NDFIP2: variants seen among roughly 807,000 people sequenced by gnomAD.
The protein encoded by NDFIP2 is Nedd4 family interacting protein 2, also known as NEDD4 family-interacting protein 2.
In NDFIP2, 19 loss-of-function variants were observed where a neutral mutation model predicts 36.0. The observed-to-expected ratio is 0.53, with a 90% CI of 0.37 to 0.77. The LOEUF is 0.77. NDFIP2 is among the 30% of genes least tolerant of loss of function. The pLI is 0.00. For missense variants in NDFIP2, 446 were observed against 435.8 expected (o/e 1.02, Z -0.21); for synonymous variants, 181 against 167.7 (o/e 1.08, Z -0.61).
intron 1 of NDFIP2, among the ~76,000 whole-genome samples, chr13:79,488,807 A>C (rs1447533951): frequency 2.0e-5 from 3 of 152,190 alleles, no homozygotes; most frequent in Non-Finnish European, 4.4e-5. Context: ...AGATAGTAAT[A>C]AATTCTTTGA....
chr13:79,546,191 C>CT (rs1440556624), intron 5 of NDFIP2, among the ~76,000 whole-genome samples: 2 of 151,078 alleles, frequency 1.3e-5, no homozygotes, highest in Non-Finnish European at 3.0e-5. Flanking sequence ...AAGTTTTCTC[C>CT]TAAAAACCTG....
At chr13:79,485,283 A>C (rs1402496657) in intron 1 of NDFIP2, among the ~76,000 whole-genome samples, 1 of 152,144 alleles carries the variant, frequency 6.6e-6, no homozygotes, top group Non-Finnish European at 1.5e-5. Context: ...CTGGGATGGC[A>C]GTTACACACT....
At chr13:79,517,724 TTTA>T (rs1874407430) in intron 1 of NDFIP2, among the ~76,000 whole-genome samples, 1 of 152,148 alleles carries the variant, frequency 6.6e-6, no homozygotes, top group Non-Finnish European at 1.5e-5. Context: ...GCTCCAAAGC[TTTA>T]TTTTGGAGCT....
chr13:79,498,790 G>A (rs1301075841), intron 1 of NDFIP2, among the ~76,000 whole-genome samples: 1 of 151,954 alleles, frequency 6.6e-6, no homozygotes, highest in African/African-American at 2.4e-5. Context: ...TGGAGATTAA[G>A]TTTCCATCAC....
intron 2 of NDFIP2, among the ~76,000 whole-genome samples, chr13:79,531,603 T>C (rs2137098995): frequency 6.6e-6 from 1 of 152,374 alleles, no homozygotes; most frequent in South Asian, 2.1e-4. Flanking sequence ...CGCTGCTTCA[T>C]GTTGCACTTT....
rs138577608 is a variant in NDFIP2, at chr13:79,511,829, G to A, written c.322-8981G>A. On this transcript the variant is annotated intron_variant, in intron 1 of 7. Transcript: ENST00000218652. ...TCCCAAATCTAATTAGAGATTGCGA[G>A]GTGTCCCTAAGACCCCAGGGGCTCA... Among the ~76,000 whole-genome samples, 961 of 152,276 alleles carry A rather than the reference G, an allele frequency of 6.3e-3. 9 individuals carry two copies. The highest frequency in any genetic ancestry group is 0.034 in the South Asian group (164 of 4,824).
chr13:79,539,874 G>A (rs1011193629), intron 4 of NDFIP2, 99 bp downstream of exon 4: 1 of 903,646 alleles, frequency 1.1e-6, no homozygotes, highest in Non-Finnish European at 1.8e-6. Flanking sequence ...GTTAGCATAT[G>A]TCTACCTTTC....
At chr13:79,532,901 G>A (rs1008494871) in intron 2 of NDFIP2, among the ~76,000 whole-genome samples, 5 of 152,128 alleles carry the variant, frequency 3.3e-5, no homozygotes, top group Non-Finnish European at 7.4e-5. Flanking sequence ...TATATGAAAT[G>A]GTTAGTATTA....
intron 1 of NDFIP2, among the ~76,000 whole-genome samples, chr13:79,502,650 T>C (rs1192544621): frequency 2.6e-5 from 4 of 152,134 alleles, no homozygotes; most frequent in Non-Finnish European, 5.9e-5. Flanking sequence ...AATATTTAAA[T>C]AGTATGAGGA....
rs532659161 is a variant in NDFIP2 at position 79,534,350 on chromosome 13, G to GTTT, written c.621+915_621+917dup. The stretch of plus-strand genomic sequence containing the variant: ...GGCCTTCAAATTATTTTTGTCAGCT[G>GTTT]TTTTTTTTTTTTTTTTTTTTTTTGA... On this transcript the variant is annotated intron_variant, in intron 3 of 7. Transcript: ENST00000218652. 5.0e-3 allele frequency among the ~76,000 whole-genome samples: 477 copies of GTTT among 95,288 alleles called. 7 individuals are homozygous for GTTT. The highest frequency in any genetic ancestry group is 0.01 in the South Asian group (26 of 2,566). 62.5% of individuals were successfully genotyped at this position (95,288 alleles called of 152,430 possible).
At chr13:79,489,591 G>T (rs1180074538) in intron 1 of NDFIP2, among the ~76,000 whole-genome samples, 1 of 152,314 alleles carries the variant, frequency 6.6e-6, no homozygotes, top group Non-Finnish European at 1.5e-5. Flanking sequence ...TTAGTAGATA[G>T]GGATCAGCTT....
chr13:79,501,463 T>C (rs1196759985), intron 1 of NDFIP2, among the ~76,000 whole-genome samples: 1 of 151,978 alleles, frequency 6.6e-6, no homozygotes, highest in Non-Finnish European at 1.5e-5. Flanking sequence ...TGGATCTAAA[T>C]CTCTAAGAAG....
intron 3 of NDFIP2, among the ~76,000 whole-genome samples, chr13:79,537,146 C>G (rs1007228714): frequency 1.3e-5 from 2 of 151,766 alleles, no homozygotes; most frequent in African/African-American, 4.8e-5. Flanking sequence ...CTCACTCTGT[C>G]TCCTAGGCTG....
chr13:79,510,390 T>G (rs1182962934), intron 1 of NDFIP2, among the ~76,000 whole-genome samples: 2 of 151,884 alleles, frequency 1.3e-5, no homozygotes, highest in Admixed American at 6.6e-5. Flanking sequence ...TTGTTTTTTT[T>G]TTTTTGACCC....
intron 2 of NDFIP2, among the ~76,000 whole-genome samples, chr13:79,526,543 A>G (rs1403400489): frequency 6.6e-6 from 1 of 152,174 alleles, no homozygotes; most frequent in African/African-American, 2.4e-5. Flanking sequence ...CAGGTCAACA[A>G]AAGAGAAGCT....
At chr13:79,516,575 G>A (rs1322354060) in intron 1 of NDFIP2, among the ~76,000 whole-genome samples, 1 of 152,048 alleles carries the variant, frequency 6.6e-6, no homozygotes, top group Non-Finnish European at 1.5e-5. Context: ...TCCTGGATCT[G>A]CCCTCTGATG....
At chr13:79,510,747 C>G (rs1203360084) in intron 1 of NDFIP2, among the ~76,000 whole-genome samples, 1 of 151,980 alleles carries the variant, frequency 6.6e-6, no homozygotes, top group South Asian at 2.1e-4. Context: ...GCTTGCAATC[C>G]CAGCACTTTC....
intron 1 of NDFIP2, 90 bp from the exon 2 acceptor site, chr13:79,520,720 C>T (rs754991885): frequency 5.7e-5 from 71 of 1,235,078 alleles, no homozygotes; most frequent in Admixed American, 4.9e-4. Context: ...GGCCAAAAAG[C>T]GATACTGTGT....
chr13:79,519,896 G>A (rs1339744546), intron 1 of NDFIP2, among the ~76,000 whole-genome samples: 1 of 152,172 alleles, frequency 6.6e-6, no homozygotes, highest in African/African-American at 2.4e-5. Context: ...TGCCTCCCGG[G>A]TTCAAGCAAT....
Sources: allele counts gnomAD v4.1 joint callset (sites outside exome capture counted in the v4.1 genomes callset), GRCh38; gene constraint gnomAD v4.1.1; transcripts MANE v1.5; gene names NCBI Gene and HGNC (gene_info 2026-07-23, HGNC 2026-07-21).